TOX3: variants seen among roughly 807,000 people sequenced by gnomAD.
TOX3 encodes CAG trinucleotide repeat-containing gene F9 protein.
A neutral mutation model predicts 64.3 loss-of-function variants in TOX3; 22 were observed. The ratio of observed to expected loss-of-function variants is 0.34; its 90% CI spans 0.24 to 0.49. The LOEUF (loss-of-function observed/expected upper bound fraction) is 0.49, where lower values mean the gene tolerates loss of function less well. TOX3 is among the 20% of genes least tolerant of loss of function. The pLI is 0.99. For missense variants in TOX3, 661 were observed against 714.4 expected, an observed-to-expected ratio of 0.93 and a Z score of 0.85; for synonymous variants, 291 against 273.6, an observed-to-expected ratio of 1.06 and a Z score of -0.63.
chr16:52,439,961 G>A lies in TOX3; in HGVS notation c.995C>T (p.Ala332Val), dbSNP rs748896812. The stretch of plus-strand genomic sequence containing the variant: ...GATGGTCTGGGCTTCTGCTGACTCA[G>A]CAGCAGCCTGCATTTTGGGGGAGAA... ...YRASLVSKAA[A>V]ESAEAQTIRS... Residue 332 changes from alanine to valine, a missense_variant, in exon 7 of 7, where the codon GCT becomes GTT. Physicochemically the swap from Ala to Val is moderately conservative, Grantham distance 64 (BLOSUM62 0). Coordinates refer to ENST00000219746, the MANE Select transcript of TOX3 (RefSeq NM_001080430.4). 2 of 1,540,796 alleles carry A rather than the reference G, an allele frequency of 1.3e-6. No individual in the cohort carries two copies. Among genetic ancestry groups the A allele is most frequent in the Non-Finnish European group, 1.7e-6 (2 of 1,144,594 alleles).
intron 1 of TOX3, among the ~76,000 whole-genome samples, chr16:52,487,697 C>A (rs1961568925): frequency 6.6e-6 from 1 of 152,118 alleles, no homozygotes; most frequent in Admixed American, 6.5e-5. Context: ...GTCTTAAAAA[C>A]AAGAGAATCA....
At chr16:52,510,778 A>AAAAAAAGAAG (rs574634087) in intron 1 of TOX3, among the ~76,000 whole-genome samples, 8 of 115,140 alleles carry the variant, frequency 6.9e-5, no homozygotes, top group African/African-American at 1.4e-4. Context: ...AAAAAAAAAA[A>AAAAAAAGAAG]AAGAAGAAGA....
intron 1 of TOX3, among the ~76,000 whole-genome samples, chr16:52,539,669 GT>G (rs1963033476): frequency 6.6e-6 from 1 of 152,104 alleles, no homozygotes; most frequent in South Asian, 2.1e-4. Context: ...TCCATCTTTG[GT>G]TGTTCAGCCC....
At chr16:52,541,614 C>T (rs955344872) in intron 1 of TOX3, among the ~76,000 whole-genome samples, 9 of 152,220 alleles carry the variant, frequency 5.9e-5, no homozygotes, top group African/African-American at 2.2e-4. Context: ...AACAAATTTT[C>T]AAGTGGATTC....
intron 6 of TOX3, among the ~76,000 whole-genome samples, chr16:52,442,243 G>A (rs915749208): frequency 6.6e-6 from 1 of 152,108 alleles, no homozygotes; most frequent in Non-Finnish European, 1.5e-5. Context: ...TAGCAGAGTC[G>A]TATCTTAAGG....
In TOX3 at chr16:52,511,384, C is replaced by T. The variant is rs541322677; in HGVS notation, c.87+35253G>A. Among the ~76,000 whole-genome samples, 25 of 152,102 alleles carry T rather than the reference C, an allele frequency of 1.6e-4. No individual in the cohort carries two copies. In the East Asian group the frequency reaches 4.7e-3, roughly 28 times the overall value. On this transcript the variant is annotated intron_variant, in intron 1 of 6. Coordinates refer to ENST00000219746, the MANE Select transcript of TOX3 (RefSeq NM_001080430.4). ...GCAAGCGCCTGTAATCCCAGCTACT[C>T]GGGAGGCTGAGGCAGGAAAATTGCT... is the stretch of plus-strand genomic sequence containing the variant.
intron 1 of TOX3, among the ~76,000 whole-genome samples, chr16:52,510,354 T>C (rs1402225177): frequency 6.6e-6 from 1 of 152,128 alleles, no homozygotes; most frequent in Non-Finnish European, 1.5e-5. Context: ...AGAGTAAGTA[T>C]GTTGAGCAGA....
chr16:52,497,780 G>A (rs1272527058), intron 1 of TOX3, among the ~76,000 whole-genome samples: 3 of 151,828 alleles, frequency 2.0e-5, no homozygotes, highest in Non-Finnish European at 4.4e-5. Context: ...AGAGCCAGTT[G>A]TGTTTTTTTT....
intron 3 of TOX3, among the ~76,000 whole-genome samples, chr16:52,454,475 T>A (rs1445372031): frequency 2.6e-5 from 4 of 152,148 alleles, no homozygotes; most frequent in Non-Finnish European, 4.4e-5. Context: ...CGGTTCACAG[T>A]TATCCCATAA....
chr16:52,505,288 G>A (rs1962130622), intron 1 of TOX3, among the ~76,000 whole-genome samples: 2 of 152,136 alleles, frequency 1.3e-5, no homozygotes, highest in Admixed American at 6.5e-5. Context: ...CAATCAAATC[G>A]AATCACATAG....
chr16:52,546,753 G>C lies in TOX3; in HGVS notation c.-30C>G, dbSNP rs1219314463. ...AAGCTGGGCCCGGGGCCGGGGGCCGGGACTGGGGTTCGCCGGGGCCGGGAC... is the reference window on the plus strand; with the variant it reads ...AAGCTGGGCCCGGGGCCGGGGGCCGCGACTGGGGTTCGCCGGGGCCGGGAC... On this transcript the variant is annotated 5_prime_UTR_variant, in exon 1 of 7. Coordinates refer to ENST00000219746, the MANE Select transcript of TOX3 (RefSeq NM_001080430.4). The C allele has an allele frequency of 6.7e-7, 1 of 1,482,874 alleles. No individual in the cohort carries two copies. Among genetic ancestry groups the C allele is most frequent in the Admixed American group, 2.2e-5 (1 of 45,926 alleles). 91.9% of individuals were successfully genotyped at this position (1,482,874 alleles called of 1,614,324 possible). A position where few individuals can be genotyped will look rare whatever the true frequency, so the allele number is the denominator to read the frequency against.
intron 1 of TOX3, among the ~76,000 whole-genome samples, chr16:52,518,614 C>T (rs929522812): frequency 6.6e-6 from 1 of 152,162 alleles, no homozygotes; most frequent in Non-Finnish European, 1.5e-5. Flanking sequence ...TATTCTCATA[C>T]AGAATTCTAA....
intron 1 of TOX3, among the ~76,000 whole-genome samples, chr16:52,483,451 T>A (rs952242149): frequency 6.6e-6 from 1 of 152,034 alleles, no homozygotes. Flanking sequence ...ACAGTTATAA[T>A]CTCCCTTCGT....
intron 1 of TOX3, among the ~76,000 whole-genome samples, chr16:52,473,844 A>G (rs141145965): frequency 0.01 from 1,564 of 152,316 alleles, 13 homozygotes; most frequent in Non-Finnish European, 0.017. Flanking sequence ...ATGAGGTATA[A>G]TATAGGAATC....
intron 1 of TOX3, among the ~76,000 whole-genome samples, chr16:52,473,918 T>C (rs571341745): frequency 1.5e-4 from 23 of 152,298 alleles, no homozygotes; most frequent in African/African-American, 2.4e-4. Flanking sequence ...CTGCTAATTA[T>C]GTACATACAA....
chr16:52,522,778 T>C (rs190985624), intron 1 of TOX3, among the ~76,000 whole-genome samples: 2 of 152,350 alleles, frequency 1.3e-5, no homozygotes, highest in East Asian at 1.9e-4. Flanking sequence ...GTCTCTCCTA[T>C]CTGGTCCCTG....
chr16:52,469,663 T>G (rs181224959), intron 1 of TOX3, among the ~76,000 whole-genome samples: 131 of 152,246 alleles, frequency 8.6e-4, no homozygotes, highest in African/African-American at 2.9e-3. Context: ...GAGAGATGGA[T>G]GGATGGAGAT....
chr16:52,523,770 C>A lies in TOX3; in HGVS notation c.87+22867G>T, dbSNP rs114622241. Among the ~76,000 whole-genome samples, 237 of 152,060 alleles carry A rather than the reference C, an allele frequency of 1.6e-3. 1 individual carries two copies. The highest frequency in any genetic ancestry group is 5.6e-3 in the African/African-American group (232 of 41,458). On this transcript the variant is annotated intron_variant, in intron 1 of 6. Coordinates refer to ENST00000219746, the MANE Select transcript of TOX3 (RefSeq NM_001080430.4). ...CATGAAATTTTCACCATAAAAGAAC[C>A]CTGAATTCCTATTTTGAAATCCATT... is the stretch of plus-strand genomic sequence containing the variant.
chr16:52,543,688 G>A (rs1026759541), intron 1 of TOX3, among the ~76,000 whole-genome samples: 53 of 152,226 alleles, frequency 3.5e-4, no homozygotes, highest in African/African-American at 1.3e-3. Context: ...ATACATCAGT[G>A]GCTGGTTCAT....
Sources: allele counts gnomAD v4.1 joint callset (sites outside exome capture counted in the v4.1 genomes callset), GRCh38; gene constraint gnomAD v4.1.1; transcripts MANE v1.5; gene names NCBI Gene and HGNC (gene_info 2026-07-23, HGNC 2026-07-21).